GALNT13: variants seen among roughly 807,000 people sequenced by gnomAD.
GALNT13 encodes UDP-GalNAc:polypeptide N-acetylgalactosaminyltransferase 13.
GALNT13 carries 28 observed loss-of-function variants against 64.2 expected under a neutral mutation model. The observed-to-expected ratio is 0.44, with a 90% CI of 0.32 to 0.60. The LOEUF is 0.60. Ranked by LOEUF, GALNT13 falls within the 20% of genes least tolerant of loss-of-function variation. The pLI is 0.05. For missense variants in GALNT13, 577 were observed against 669.8 expected (o/e 0.86, Z 1.53); for synonymous variants, 214 against 224.6 (o/e 0.95, Z 0.42).
At chr2:154,372,239 T>C (rs1472610405) in intron 9 of GALNT13, among the ~76,000 whole-genome samples, 1 of 152,138 alleles carries the variant, frequency 6.6e-6, no homozygotes, top group Non-Finnish European at 1.5e-5. Flanking sequence ...GAGATTTTAT[T>C]GTCACACTAT....
intron 3 of GALNT13, among the ~76,000 whole-genome samples, chr2:154,035,945 CTT>C (rs1337165500): frequency 1.3e-5 from 2 of 151,940 alleles, no homozygotes; most frequent in South Asian, 2.1e-4. Context: ...AAATGATAGA[CTT>C]ATATCTTTTA....
At chr2:153,595,752 G>GC in the GALNT13 span, among the ~76,000 whole-genome samples, 2 of 152,048 alleles carry the variant, frequency 1.3e-5, no homozygotes, top group East Asian at 3.9e-4. Context: ...GATGAAAATT[G>GC]TCCTACCATG....
intron 3 of GALNT13, among the ~76,000 whole-genome samples, chr2:154,098,487 A>T (rs1301632091): frequency 1.3e-5 from 2 of 152,038 alleles, no homozygotes; most frequent in East Asian, 3.9e-4. Context: ...GTACATGTGC[A>T]TGTTTATTAC....
At position 153,944,525 on chromosome 2, in the gene GALNT13, G is replaced by A. The variant is rs538808548; in HGVS notation, c.28G>A (p.Val10Ile). The part of the protein sequence containing the change: MRRFVYCKV[V>I]LATSLMWVLV... ...GAGGAGATTTGTCTACTGCAAGGTG[G>A]TTCTAGCCACTTCGCTGATGTGGGT... Residue 10 changes from valine to isoleucine, a missense_variant, in exon 3 of 13, where the codon GTT becomes ATT. Val to Ile is a conservative substitution (Grantham distance 29). Around this residue, in one of 3 missense-constraint regions of GALNT13, gnomAD observed 341 missense variants for 379.3 expected, o/e 0.90. Coordinates refer to ENST00000392825, the MANE Select transcript of GALNT13 (RefSeq NM_052917.4). 6.2e-6 allele frequency: 10 copies of A among 1,613,582 alleles called. No individual in the cohort carries two copies. Among genetic ancestry groups the A allele is most frequent in the Non-Finnish European group, 6.8e-6 (8 of 1,179,752 alleles).
chr2:154,067,533 A>G (rs1024770949), intron 3 of GALNT13, among the ~76,000 whole-genome samples: 1 of 150,506 alleles, frequency 6.6e-6, no homozygotes, highest in African/African-American at 2.4e-5. Context: ...CTATAAGAAG[A>G]GACAAAGAAG....
the GALNT13 span, among the ~76,000 whole-genome samples, chr2:153,850,538 G>C: frequency 6.6e-6 from 1 of 152,068 alleles, no homozygotes; most frequent in Non-Finnish European, 1.5e-5. Flanking sequence ...AAATTACCAA[G>C]AAAGAATCAG....
intron 10 of GALNT13, among the ~76,000 whole-genome samples, chr2:154,401,160 A>G (rs1335324198): frequency 6.6e-6 from 1 of 152,118 alleles, no homozygotes; most frequent in Non-Finnish European, 1.5e-5. Context: ...GTTCTTGCCT[A>G]TATTGGTATT....
the GALNT13 span, among the ~76,000 whole-genome samples, chr2:153,815,557 C>G: frequency 1.3e-5 from 2 of 152,170 alleles, no homozygotes; most frequent in Non-Finnish European, 2.9e-5. Context: ...TCCTTACTCT[C>G]CAAACATACA....
At chr2:154,251,563 G>C (rs1013101220) in intron 7 of GALNT13, among the ~76,000 whole-genome samples, 1 of 152,066 alleles carries the variant, frequency 6.6e-6, no homozygotes, top group Non-Finnish European at 1.5e-5. Context: ...CGACTCTGCA[G>C]GATTTTAGTA....
chr2:153,611,219 C>G, the GALNT13 span, among the ~76,000 whole-genome samples: 5 of 152,112 alleles, frequency 3.3e-5, no homozygotes, highest in African/African-American at 1.2e-4. Flanking sequence ...AAGTACTAGA[C>G]TAGCCAAGTA....
chr2:154,438,667 G>C lies in GALNT13; in HGVS notation c.1471G>C (p.Val491Leu), dbSNP rs1302028533. 1.2e-6 allele frequency: 2 copies of C among 1,611,706 alleles called. No homozygotes were observed. Among genetic ancestry groups the C allele is most frequent in the African/African-American group, 2.7e-5 (2 of 74,816 alleles). ...CLDVSRLNGP[V>L]IMLKCHHMRG... ...GGATGTTTCTAGACTCAATGGACCT[G>C]TAATCATGTTAAAATGCCACCATAT... Residue 491 changes from valine to leucine, a missense_variant, in exon 12 of 13, where the codon GTA becomes CTA. Physicochemically the swap from Val to Leu is conservative, Grantham distance 32. Coordinates refer to ENST00000392825, the MANE Select transcript of GALNT13 (RefSeq NM_052917.4).
At chr2:153,963,349 C>T (rs1693073922) in intron 3 of GALNT13, among the ~76,000 whole-genome samples, 1 of 152,136 alleles carries the variant, frequency 6.6e-6, no homozygotes, top group Admixed American at 6.5e-5. Context: ...TAGGTCGTTT[C>T]CATCTTTTCA....
the GALNT13 span, among the ~76,000 whole-genome samples, chr2:153,539,750 G>A: frequency 0.57 from 85,323 of 150,154 alleles, 27,287 homozygotes; most frequent in African/African-American, 0.85. Flanking sequence ...CCATTGATCT[G>A]TATCTCTGTT....
At chr2:153,099,545 A>C in the GALNT13 span, among the ~76,000 whole-genome samples, 1 of 152,334 alleles carries the variant, frequency 6.6e-6, no homozygotes, top group South Asian at 2.1e-4. Context: ...GAAAGATTTT[A>C]TTAAAATATT....
At position 153,919,622 on chromosome 2, in the gene GALNT13, T is replaced by C. The variant is rs927426228; in HGVS notation, c.-105+18615T>C. Among the ~76,000 whole-genome samples the C allele has an allele frequency of 2.6e-5, 4 of 151,982 alleles. No individual in the cohort carries two copies. In the East Asian group the frequency reaches 7.7e-4, roughly 29 times the overall value. On this transcript the variant is annotated intron_variant, in intron 2 of 12. Coordinates refer to ENST00000392825, the MANE Select transcript of GALNT13 (RefSeq NM_052917.4). ...CTAGGGTTGGGAGCATATTATGTAC[T>C]CAAAAATTATTTGGGAAATAAATAA...
chr2:153,194,851 C>T, the GALNT13 span, among the ~76,000 whole-genome samples: 1,026 of 152,264 alleles, frequency 6.7e-3, 10 homozygotes, highest in African/African-American at 0.023. Flanking sequence ...TAAACAGTGT[C>T]AGTGATGTCT....
At chr2:154,301,126 A>C (rs149729144) in intron 8 of GALNT13, among the ~76,000 whole-genome samples, 67 of 152,312 alleles carry the variant, frequency 4.4e-4, no homozygotes, top group African/African-American at 1.5e-3. Flanking sequence ...TCTACTAACT[A>C]GCAATTAGGT....
At chr2:154,286,024 AT>A (rs1277989765) in intron 8 of GALNT13, among the ~76,000 whole-genome samples, 2 of 152,114 alleles carry the variant, frequency 1.3e-5, no homozygotes, top group Non-Finnish European at 1.5e-5. Flanking sequence ...AATACAAGTG[AT>A]TTTTGTATTT....
At chr2:154,400,947 G>A (rs1699274727) in intron 10 of GALNT13, among the ~76,000 whole-genome samples, 2 of 145,762 alleles carry the variant, frequency 1.4e-5, no homozygotes, top group African/African-American at 2.6e-5. Context: ...AAAATACATT[G>A]TGAACTAAAA....
Sources: gnomAD v4.1 joint callset for allele counts (sites outside exome capture counted in the v4.1 genomes callset) on GRCh38, gnomAD v4.1.1 for gene constraint, gnomAD v4.1.1 regional missense constraint, MANE v1.5 for transcripts, NCBI Gene and HGNC (gene_info 2026-07-23, HGNC 2026-07-21) for gene names.